The following CTDP1 variants were observed in gnomAD, a reference collection of about 807,000 sequenced individuals.
CTDP1 encodes the protein CTD phosphatase 1, also known as RNA polymerase II subunit A C-terminal domain phosphatase.
Under a neutral mutation model 91.8 loss-of-function variants are expected in CTDP1, and 47 were observed. The observed-to-expected ratio is 0.51, with a 90% CI of 0.41 to 0.65. CTDP1 has a LOEUF of 0.65. Ranked by LOEUF, CTDP1 falls within the 30% of genes least tolerant of loss-of-function variation. The pLI is 0.00. For synonymous variants in CTDP1, 656 were observed against 598.5 expected (o/e 1.10, Z -1.40); for missense variants, 1,272 against 1,373.7 (o/e 0.93, Z 1.17).
chr18:79,677,618 C>G (rs751246853), upstream of CTDP1: 1 of 152,286 alleles, frequency 6.6e-6, no homozygotes, highest in African/African-American at 2.4e-5. Context: ...CGGCTTCAGG[C>G]TACAGCTGAG....
rs549632018 is a variant in CTDP1, at chr18:79,728,272, G to A, written c.2418-635G>A. Among the ~76,000 whole-genome samples the A allele has an allele frequency of 2.0e-3, 297 of 152,124 alleles. 2 individuals are homozygous for A. The highest frequency in any genetic ancestry group is 6.0e-3 in the African/African-American group (249 of 41,502). On this transcript the variant is annotated intron_variant, in intron 10 of 12. Coordinates refer to ENST00000613122, the MANE Select transcript of CTDP1 (RefSeq NM_004715.5). ...GCACCACCACACCGGGCTAATTTTTGTATTTTTAGTAGAGATGGGGTTTAG... is the reference window on the plus strand; with the variant it reads ...GCACCACCACACCGGGCTAATTTTTATATTTTTAGTAGAGATGGGGTTTAG...
At position 79,680,256 on chromosome 18, in the gene CTDP1, C is replaced by T. The variant is rs534987615; in HGVS notation, c.309C>T (p.Ala103=). ...ELCAQPGQVV[A]PGAVLVRLEG... ...GCGCGCAGCCGGGCCAGGTGGTCGC[C>T]CCAGGGTGAGTGTGCTGAGCCGGGC... The change falls in exon 1 of 13, where the codon GCC becomes GCT. Residue 103 remains alanine (A), a synonymous_variant. Transcript: ENST00000613122. The T allele has an allele frequency of 1.8e-5, 23 of 1,291,596 alleles. No individual in the cohort carries two copies. The highest frequency in any genetic ancestry group is 2.1e-5 in the Non-Finnish European group (22 of 1,023,762). The allele number at this position is 1,291,596 out of a possible 1,614,324, so 80.0% of individuals were successfully genotyped here. A position where few individuals can be genotyped will look rare whatever the true frequency, so the allele number is the denominator to read the frequency against.
At chr18:79,689,962 G>T (rs1323245079) in intron 1 of CTDP1, among the ~76,000 whole-genome samples, 1 of 152,178 alleles carries the variant, frequency 6.6e-6, no homozygotes, top group African/African-American at 2.4e-5. Flanking sequence ...CTGCATAACG[G>T]ATTCTAGGCT....
At chr18:79,753,220 A>G (rs1332085880) in intron 12 of CTDP1, among the ~76,000 whole-genome samples, 1 of 152,266 alleles carries the variant, frequency 6.6e-6, no homozygotes. Context: ...TCATTTTAGC[A>G]GTGGCCTGAG....
Position 79,713,664 on chromosome 18 carries a change from AC to A in CTDP1, c.1030+527del, listed in dbSNP as rs1419303375. ...AGTTTTTTGAAAAATATTTTGAGGCACACGTTTATTGCTGTAGTCACTAAAA... is the reference window on the plus strand; with the variant it reads ...AGTTTTTTGAAAAATATTTTGAGGCAACGTTTATTGCTGTAGTCACTAAAA... On this transcript the variant is annotated intron_variant, in intron 7 of 12. Coordinates refer to ENST00000613122, the MANE Select transcript of CTDP1 (RefSeq NM_004715.5). This position sits in a 1 kb window ranked among gnomAD's most constrained non-coding sequence, Gnocchi z 4.7. Among the ~76,000 whole-genome samples, 1 of 152,254 alleles carries A rather than the reference AC, an allele frequency of 6.6e-6. No homozygotes were observed.
At chr18:79,693,541 CACGTAT>C (rs1460481223) in intron 1 of CTDP1, among the ~76,000 whole-genome samples, 1 of 152,128 alleles carries the variant, frequency 6.6e-6, no homozygotes, top group African/African-American at 2.4e-5. Flanking sequence ...GGAATATTTG[CACGTAT>C]ACATGACGAG....
In CTDP1 at chr18:79,715,256, G is replaced by A. The variant is rs149848787; in HGVS notation, c.1796G>A (p.Arg599His). 145 of 1,610,334 alleles carry A rather than the reference G, an allele frequency of 9.0e-5. No individual in the cohort carries two copies. The highest frequency in any genetic ancestry group is 5.1e-5 in the Admixed American group (3 of 59,266). ...ATCTACCTGGAGGAGATCCTGGTCCGTGTACACACTGACTACTATGCCAAG... is the reference window on the plus strand; with the variant it reads ...ATCTACCTGGAGGAGATCCTGGTCCATGTACACACTGACTACTATGCCAAG... ...HLIYLEEILV[R>H]VHTDYYAKYD... The change falls in exon 8 of 13, where the codon CGT (arginine) becomes CAT (histidine). Residue 599 changes from arginine to histidine, a missense_variant. By Grantham distance (29) the Arg-to-His change is conservative. Around this residue, in one of 3 missense-constraint regions of CTDP1, gnomAD observed 881 missense variants for 911.6 expected, o/e 0.97. Transcript: ENST00000613122.
At chr18:79,700,300 A>G (rs1255339604) in intron 4 of CTDP1, among the ~76,000 whole-genome samples, 1 of 152,250 alleles carries the variant, frequency 6.6e-6, no homozygotes, top group Non-Finnish European at 1.5e-5. Flanking sequence ...AAAGGCTGCA[A>G]GCTGGTCCTC....
chr18:79,733,864 C>T (rs985255451), intron 11 of CTDP1, among the ~76,000 whole-genome samples: 1 of 152,146 alleles, frequency 6.6e-6, no homozygotes, highest in African/African-American at 2.4e-5. Context: ...GTAGCATCTG[C>T]TGTTATCTGT....
intron 1 of CTDP1, among the ~76,000 whole-genome samples, chr18:79,693,152 G>C (rs972525136): frequency 1.3e-5 from 2 of 152,250 alleles, no homozygotes; most frequent in Non-Finnish European, 2.9e-5. Flanking sequence ...AGCAAGCAGG[G>C]AGCAGGTGTC....
intron 1 of CTDP1, among the ~76,000 whole-genome samples, chr18:79,682,041 C>G (rs1402745670): frequency 6.6e-6 from 1 of 152,190 alleles, no homozygotes; most frequent in African/African-American, 2.4e-5. Context: ...GGGCTTTAGT[C>G]TAAAGCCCTG....
rs767715803 is a variant in CTDP1, at chr18:79,736,528, G to A, written c.2747+7G>A. 9 of 1,535,906 alleles carry A rather than the reference G, an allele frequency of 5.9e-6. No homozygotes were observed. The highest frequency in any genetic ancestry group is 7.9e-6 in the Non-Finnish European group (9 of 1,138,412). Reference sequence around the variant, plus strand: ...CAGGGGGCCGGGGGCCCAGGTGAGTGCGGGGTCTGAGGTGGGAGGGGCCTG... The same window carrying A: ...CAGGGGGCCGGGGGCCCAGGTGAGTACGGGGTCTGAGGTGGGAGGGGCCTG... On this transcript the variant is annotated splice_region_variant and intron_variant, in intron 12 of 12. Transcript: ENST00000613122.
In CTDP1 at chr18:79,715,399, A is replaced by G. The variant is rs1034218084; in HGVS notation, c.1939A>G (p.Thr647Ala). 1.9e-6 allele frequency: 3 copies of G among 1,604,812 alleles called. No homozygotes were observed. In the Admixed American group the frequency reaches 5.1e-5, roughly 27 times the overall value. Residue 647 changes from threonine (T) to alanine (A), a missense_variant, in exon 8 of 13, where the codon ACA (threonine) becomes GCA (alanine). Thr to Ala is a moderately conservative substitution (Grantham distance 58). Coordinates refer to ENST00000613122, the MANE Select transcript of CTDP1 (RefSeq NM_004715.5). The part of the protein sequence containing the change: ...VAIIFSGLHP[T>A]NFPIEKTREH... ...CATAATTTTCAGTGGGCTACACCCG[A>G]CAAACTTCCCGATAGAGAAGACGCG... is the stretch of plus-strand genomic sequence containing the variant.
At chr18:79,739,008 T>A (rs1164591037) in intron 12 of CTDP1, among the ~76,000 whole-genome samples, 1 of 152,224 alleles carries the variant, frequency 6.6e-6, no homozygotes, top group Non-Finnish European at 1.5e-5. Flanking sequence ...CATGAAGCTC[T>A]GGGGTCAGGC....
intron 1 of CTDP1, among the ~76,000 whole-genome samples, chr18:79,692,248 G>T (rs2085640770): frequency 6.6e-6 from 1 of 152,086 alleles, no homozygotes; most frequent in Admixed American, 6.5e-5. Flanking sequence ...TGATCCATTT[G>T]TGTGAAGCCC....
intron 10 of CTDP1, among the ~76,000 whole-genome samples, chr18:79,725,076 T>C (rs994405451): frequency 7.2e-5 from 11 of 152,350 alleles, no homozygotes; most frequent in African/African-American, 2.2e-4. Context: ...GTTTTTCTTC[T>C]TTTGCCTGTC....
intron 8 of CTDP1, among the ~76,000 whole-genome samples, chr18:79,716,107 A>C (rs932456910): frequency 1.3e-5 from 2 of 152,054 alleles, no homozygotes; most frequent in African/African-American, 4.8e-5. Context: ...TGCTTAAAAA[A>C]CCCAAATACC....
intron 11 of CTDP1, among the ~76,000 whole-genome samples, chr18:79,730,146 A>AT (rs1473484088): frequency 2.0e-5 from 3 of 152,138 alleles, no homozygotes; most frequent in African/African-American, 7.2e-5. Context: ...GGTGTGCTGA[A>AT]TTTCTCTGCC....
chr18:79,715,151 C>T lies in CTDP1; in HGVS notation c.1691C>T (p.Ser564Leu), dbSNP rs1404468552. Residue 564 changes from serine to leucine, a missense_variant, in exon 8 of 13, where the codon TCG (serine) becomes TTG (leucine). Physicochemically the swap from Ser to Leu is moderately radical, Grantham distance 145. Around this residue, in one of 3 missense-constraint regions of CTDP1, gnomAD observed 881 missense variants for 911.6 expected, o/e 0.97. Transcript: ENST00000613122. Reference protein sequence around the residue: ...AETESQNSELSGVTAGESLDQ... With the variant: ...AETESQNSELLGVTAGESLDQ... ...ACCGAGTCACAGAACAGCGAGCTGT[C>T]GGGGGTCACTGCGGGTGAGTCCCTG... is the stretch of plus-strand genomic sequence containing the variant. The T allele has an allele frequency of 7.4e-6, 12 of 1,613,502 alleles. No homozygotes were observed. Among genetic ancestry groups the T allele is most frequent in the Non-Finnish European group, 8.5e-6 (10 of 1,179,926 alleles).
Sources: allele counts gnomAD v4.1 joint callset (sites outside exome capture counted in the v4.1 genomes callset), GRCh38; gene constraint gnomAD v4.1.1; regional missense constraint gnomAD v4.1.1; non-coding constraint Gnocchi (gnomAD v3.1); transcripts MANE v1.5; gene names NCBI Gene and HGNC (gene_info 2026-07-23, HGNC 2026-07-21).